EXT1: variants seen among roughly 807,000 people sequenced by gnomAD.
EXT1 encodes exostosin-1.
A neutral mutation model predicts 82.5 loss-of-function variants in EXT1; 20 were observed. The ratio of observed to expected loss-of-function variants is 0.24; its 90% CI spans 0.17 to 0.35. EXT1 has a LOEUF of 0.35. Ranked by LOEUF, EXT1 falls within the 10% of genes least tolerant of loss-of-function variation. The pLI is 1.00. For missense variants in EXT1, 757 were observed against 936.5 expected (o/e 0.81, Z 2.50); for synonymous variants, 348 against 350.8 (o/e 0.99, Z 0.09).
At chr8:117,998,511 A>T (rs1815593546) in intron 1 of EXT1, among the ~76,000 whole-genome samples, 1 of 151,842 alleles carries the variant, frequency 6.6e-6, no homozygotes, top group Non-Finnish European at 1.5e-5. Context: ...AAGGTCTCCA[A>T]CTCTTGACCT....
intron 1 of EXT1, among the ~76,000 whole-genome samples, chr8:118,026,044 G>A (rs1453135697): frequency 2.6e-5 from 4 of 152,110 alleles, no homozygotes; most frequent in Admixed American, 2.6e-4. Flanking sequence ...CTATTGTGAG[G>A]GCTGTTTCTT....
At chr8:117,941,354 C>A (rs1258061624) in intron 1 of EXT1, among the ~76,000 whole-genome samples, 1 of 152,144 alleles carries the variant, frequency 6.6e-6, no homozygotes, top group African/African-American at 2.4e-5. Context: ...AGTTCCTAAG[C>A]TGCAAAATTT....
intron 1 of EXT1, among the ~76,000 whole-genome samples, chr8:118,073,010 T>TG (rs1817125400): frequency 6.6e-6 from 1 of 152,182 alleles, no homozygotes; most frequent in African/African-American, 2.4e-5. Context: ...GGAGCAAGAA[T>TG]GACCTGATAC....
chr8:117,881,869 AGCT>A (rs1223001986), intron 1 of EXT1, among the ~76,000 whole-genome samples: 1 of 152,190 alleles, frequency 6.6e-6, no homozygotes, highest in Non-Finnish European at 1.5e-5. Flanking sequence ...CCTAAGCTAC[AGCT>A]GCTGCTGCAC....
At chr8:118,051,496 A>T (rs1010004782) in intron 1 of EXT1, among the ~76,000 whole-genome samples, 17 of 152,218 alleles carry the variant, frequency 1.1e-4, no homozygotes, top group African/African-American at 3.4e-4. Flanking sequence ...AGCCAGTTTT[A>T]AAAAAGTCAC....
intron 1 of EXT1, among the ~76,000 whole-genome samples, chr8:117,960,187 G>C (rs1814672047): frequency 6.6e-6 from 1 of 152,022 alleles, no homozygotes; most frequent in South Asian, 2.1e-4. Context: ...CTCCAGCCTG[G>C]GTGACAGAGC....
intron 1 of EXT1, among the ~76,000 whole-genome samples, chr8:117,896,239 C>T (rs917365398): frequency 2.6e-5 from 4 of 151,966 alleles, no homozygotes; most frequent in African/African-American, 9.7e-5. Flanking sequence ...TATTTAAAGA[C>T]AACTTGCACC....
intron 1 of EXT1, among the ~76,000 whole-genome samples, chr8:118,008,256 C>CTTTTTTTTTTTTTTTTTTT (rs527887350): frequency 6.6e-6 from 1 of 151,356 alleles, no homozygotes; most frequent in African/African-American, 2.4e-5. Flanking sequence ...GCATATTATA[C>CTTTTTTTTTTTTTTTTTTT]TTTTTTTTGT....
intron 1 of EXT1, among the ~76,000 whole-genome samples, chr8:118,050,484 G>A (rs905249670): frequency 1.2e-4 from 18 of 152,190 alleles, no homozygotes; most frequent in East Asian, 3.9e-4. Flanking sequence ...ATTCATTTTC[G>A]ATCTGCCTCC....
chr8:118,088,684 CTTT>C (rs34437784), intron 1 of EXT1, among the ~76,000 whole-genome samples: 3 of 144,900 alleles, frequency 2.1e-5, no homozygotes, highest in African/African-American at 7.6e-5. Context: ...GATGCCTTCT[CTTT>C]TTTTTTTTTT....
intron 1 of EXT1, among the ~76,000 whole-genome samples, chr8:117,885,823 A>T (rs1813137945): frequency 6.6e-6 from 1 of 152,200 alleles, no homozygotes; most frequent in South Asian, 2.1e-4. Context: ...TATAATCCAC[A>T]TGTACACCTG....
intron 1 of EXT1, among the ~76,000 whole-genome samples, chr8:117,886,685 G>A (rs1446324620): frequency 1.3e-5 from 2 of 152,150 alleles, no homozygotes; most frequent in Non-Finnish European, 2.9e-5. Flanking sequence ...GCAAAATCCT[G>A]CAGAAACTCC....
At chr8:118,041,665 A>G (rs111449898) in intron 1 of EXT1, among the ~76,000 whole-genome samples, 120 of 125,182 alleles carry the variant, frequency 9.6e-4, no homozygotes, top group African/African-American at 3.0e-3. Context: ...AGAGAGAGAA[A>G]GAAGGAAGGA....
chr8:118,105,234 A>G (rs1217139539), intron 1 of EXT1, among the ~76,000 whole-genome samples: 2 of 152,210 alleles, frequency 1.3e-5, no homozygotes, highest in African/African-American at 4.8e-5. Flanking sequence ...GCAGATCCTC[A>G]AGCCTTCTGA....
At chr8:118,082,427 G>A (rs1018936754) in intron 1 of EXT1, among the ~76,000 whole-genome samples, 4 of 152,088 alleles carry the variant, frequency 2.6e-5, no homozygotes, top group African/African-American at 4.8e-5. Flanking sequence ...TTAAGATTAC[G>A]GCTGGAAATC....
At chr8:118,040,325 T>C (rs1363598516) in intron 1 of EXT1, among the ~76,000 whole-genome samples, 1 of 152,198 alleles carries the variant, frequency 6.6e-6, no homozygotes, top group Non-Finnish European at 1.5e-5. Flanking sequence ...ACCAGGTAGC[T>C]ATTTTGGTTA....
In EXT1 at chr8:118,075,337, A is replaced by G. The variant is rs143043293; in HGVS notation, c.962+34748T>C. Among the ~76,000 whole-genome samples, 136 of 152,306 alleles carry G rather than the reference A, an allele frequency of 8.9e-4. 2 individuals are homozygous for G. In the East Asian group the frequency reaches 0.025, roughly 29 times the overall value. Reference sequence around the variant, plus strand: ...ACCGTGTTGTGTCTCCATTCCCGATACTGCAGCTGGACAAAAGGAAGAGAG... The same window carrying G: ...ACCGTGTTGTGTCTCCATTCCCGATGCTGCAGCTGGACAAAAGGAAGAGAG... On this transcript the variant is annotated intron_variant, in intron 1 of 10. Transcript: ENST00000378204.
chr8:118,005,763 T>C (rs191577648), intron 1 of EXT1, among the ~76,000 whole-genome samples: 5 of 152,312 alleles, frequency 3.3e-5, no homozygotes, highest in South Asian at 2.1e-4. Context: ...TGCAAAATGA[T>C]TGCAAACTCT....
intron 1 of EXT1, among the ~76,000 whole-genome samples, chr8:117,852,312 A>C (rs2129833763): frequency 6.6e-6 from 1 of 152,328 alleles, no homozygotes; most frequent in South Asian, 2.1e-4. Context: ...CCACTATGAA[A>C]TGCAAGGGAC....
Sources: gnomAD v4.1 joint callset for allele counts (sites outside exome capture counted in the v4.1 genomes callset) on GRCh38, gnomAD v4.1.1 for gene constraint, MANE v1.5 for transcripts, NCBI Gene and HGNC (gene_info 2026-07-23, HGNC 2026-07-21) for gene names.